GPHN: variants seen among roughly 807,000 people sequenced by gnomAD.
GPHN encodes the protein gephyrin.
In GPHN, 17 loss-of-function variants were observed where a neutral mutation model predicts 95.5. The observed-to-expected ratio is 0.18, with a 90% CI of 0.12 to 0.27. The LOEUF is 0.27. Ranked by LOEUF, GPHN falls within the 10% of genes least tolerant of loss-of-function variation. The probability of loss-of-function intolerance (pLI) is 1.00; values close to 1 mark genes in which losing one functional copy is unlikely to be tolerated. For synonymous variants in GPHN, 320 were observed against 322.5 expected, an observed-to-expected ratio of 0.99 and a Z score of 0.08; for missense variants, 660 against 978.1, an observed-to-expected ratio of 0.67 and a Z score of 4.34.
rs1375614247 is a variant in GPHN at position 67,144,249 on chromosome 14, A to T, written c.1836+800A>T. Among the ~76,000 whole-genome samples the T allele has an allele frequency of 3.7e-3, 256 of 68,902 alleles. 23 individuals are homozygous for T. The highest frequency in any genetic ancestry group is 0.017 in the African/African-American group (244 of 14,482). 45.2% of individuals were successfully genotyped at this position (68,902 alleles called of 152,430 possible). On this transcript the variant is annotated intron_variant, in intron 18 of 22. Transcript: ENST00000478722. Reference sequence around the variant, plus strand: ...AAGACCCTGTCTTAAAAAAAAAAAAAAATATATATATATATATATATATAT... The same window carrying T: ...AAGACCCTGTCTTAAAAAAAAAAAATAATATATATATATATATATATATAT...
chr14:66,909,522 AT>A (rs1380915356), intron 5 of GPHN, among the ~76,000 whole-genome samples: 1 of 152,096 alleles, frequency 6.6e-6, no homozygotes, highest in Non-Finnish European at 1.5e-5. Context: ...TGGTTAACTG[AT>A]TAACATGAAT....
intron 5 of GPHN, among the ~76,000 whole-genome samples, chr14:66,908,060 G>A (rs936479688): frequency 1.3e-5 from 2 of 151,880 alleles, no homozygotes; most frequent in Admixed American, 6.6e-5. Flanking sequence ...GTTTACACAC[G>A]TATTCCTTTG....
chr14:66,558,083 T>C (rs1468897877), intron 1 of GPHN, among the ~76,000 whole-genome samples: 1 of 152,140 alleles, frequency 6.6e-6, no homozygotes, highest in Non-Finnish European at 1.5e-5. Flanking sequence ...AATGAAAATA[T>C]TTTCTCTTTA....
chr14:66,904,666 G>A (rs2065287366), intron 5 of GPHN, among the ~76,000 whole-genome samples: 2 of 152,130 alleles, frequency 1.3e-5, no homozygotes, highest in South Asian at 4.1e-4. Flanking sequence ...ATTGGGCGAT[G>A]CTTGCTCTAG....
chr14:67,620,869 A>G, the GPHN span: 4 of 1,613,654 alleles, frequency 2.5e-6, no homozygotes, highest in Admixed American at 3.3e-5. Context: ...TCTACCTCTA[A>G]TTGTGTAATT....
the GPHN span, chr14:67,574,440 T>A: frequency 6.9e-7 from 1 of 1,441,916 alleles, no homozygotes; most frequent in South Asian, 1.5e-5. This position sits in a 1 kb window ranked among gnomAD's most constrained non-coding sequence, Gnocchi z 4.2. Flanking sequence ...AACATGTGCC[T>A]CCTGCGAATC....
chr14:67,577,902 C>G, the GPHN span: 1 of 837,342 alleles, frequency 1.2e-6, no homozygotes, highest in Non-Finnish European at 1.9e-6. Flanking sequence ...AGTGCTCCCT[C>G]TTAGAAAGGG....
chr14:66,954,367 C>T (rs1012069131), intron 8 of GPHN, among the ~76,000 whole-genome samples: 1 of 152,110 alleles, frequency 6.6e-6, no homozygotes, highest in African/African-American at 2.4e-5. Context: ...ATTTACTCTG[C>T]ATATTTTATT....
chr14:67,527,859 A>G, the GPHN span, among the ~76,000 whole-genome samples: 1 of 152,218 alleles, frequency 6.6e-6, no homozygotes, highest in South Asian at 2.1e-4. Flanking sequence ...CTCTGCATGT[A>G]GGACCCCACC....
chr14:66,596,221 T>A (rs2061965933), intron 1 of GPHN, among the ~76,000 whole-genome samples: 1 of 151,902 alleles, frequency 6.6e-6, no homozygotes, highest in Non-Finnish European at 1.5e-5. Context: ...GGGGAGGAAG[T>A]GCATGCTGAT....
chr14:66,598,893 G>A (rs2062099623), intron 1 of GPHN, among the ~76,000 whole-genome samples: 1 of 151,614 alleles, frequency 6.6e-6, no homozygotes, highest in South Asian at 2.1e-4. Context: ...CAGCCTTGCA[G>A]TTGATGCAGT....
chr14:66,825,319 A>C (rs1171787467), intron 4 of GPHN, among the ~76,000 whole-genome samples: 1 of 151,832 alleles, frequency 6.6e-6, no homozygotes, highest in African/African-American at 2.4e-5. Flanking sequence ...GATCAGTTTC[A>C]ACTTAATATT....
chr14:67,376,398 C>T, the GPHN span: 3 of 1,526,406 alleles, frequency 2.0e-6, no homozygotes, highest in South Asian at 1.3e-5. Flanking sequence ...TTTTATAAAT[C>T]TCTTATCTTT....
At chr14:67,200,876 G>A in the GPHN span, among the ~76,000 whole-genome samples, 1 of 152,170 alleles carries the variant, frequency 6.6e-6, no homozygotes, top group Non-Finnish European at 1.5e-5. Context: ...GCAGTCTATA[G>A]GTCAGACGTT....
At chr14:67,505,937 G>A in the GPHN span, among the ~76,000 whole-genome samples, 2 of 152,082 alleles carry the variant, frequency 1.3e-5, no homozygotes, top group Non-Finnish European at 2.9e-5. Flanking sequence ...CTGACCTTGG[G>A]TATCCGTCCA....
the GPHN span, among the ~76,000 whole-genome samples, chr14:67,694,150 A>C: frequency 6.6e-6 from 1 of 152,136 alleles, no homozygotes; most frequent in African/African-American, 2.4e-5. Context: ...TGCAAGGTAC[A>C]TACTCTTAGC....
chr14:66,847,076 T>C (rs2062370620), intron 4 of GPHN, among the ~76,000 whole-genome samples: 1 of 152,140 alleles, frequency 6.6e-6, no homozygotes, highest in African/African-American at 2.4e-5. Flanking sequence ...TTAGCTTTCA[T>C]TCCTATTACT....
the GPHN span, chr14:67,600,228 C>T: frequency 6.5e-7 from 1 of 1,542,144 alleles, no homozygotes; most frequent in Non-Finnish European, 8.7e-7. Flanking sequence ...GCCGCCCGCA[C>T]CGCGCGGCGC....
intron 11 of GPHN, among the ~76,000 whole-genome samples, chr14:67,064,848 C>T (rs574788679): frequency 3.3e-5 from 5 of 152,128 alleles, no homozygotes; most frequent in Admixed American, 6.5e-5. Flanking sequence ...GTCATGCTAG[C>T]GGTCTATCAA....
Sources: allele counts gnomAD v4.1 joint callset (sites outside exome capture counted in the v4.1 genomes callset), GRCh38; gene constraint gnomAD v4.1.1; non-coding constraint Gnocchi (gnomAD v3.1); transcripts MANE v1.5; gene names NCBI Gene and HGNC (gene_info 2026-07-23, HGNC 2026-07-21).